Variants in ADGRL2 observed in about 807,000 individuals in gnomAD.
The protein encoded by ADGRL2 is adhesion G protein-coupled receptor L2.
ADGRL2 carries 44 observed loss-of-function variants against 157.4 expected under a neutral mutation model. The ratio of observed to expected loss-of-function variants is 0.28; its 90% CI spans 0.22 to 0.36. The LOEUF is 0.36. ADGRL2 is among the 10% of genes least tolerant of loss of function. The pLI, the probability that ADGRL2 is intolerant of heterozygous loss-of-function variation, is 1.00. For missense variants in ADGRL2, 1,510 were observed against 1,768.9 expected, an observed-to-expected ratio of 0.85 and a Z score of 2.63; for synonymous variants, 585 against 624.7, an observed-to-expected ratio of 0.94 and a Z score of 0.95.
intron 1 of ADGRL2, among the ~76,000 whole-genome samples, chr1:81,717,231 G>A (rs1011445716): frequency 6.6e-6 from 1 of 152,188 alleles, no homozygotes; most frequent in African/African-American, 2.4e-5. Context: ...GCATTCTAGA[G>A]TGTAAAAGTC....
intron 1 of ADGRL2, among the ~76,000 whole-genome samples, chr1:81,334,653 A>G (rs1661510249): frequency 6.6e-6 from 1 of 152,248 alleles, no homozygotes; most frequent in Admixed American, 6.5e-5. Flanking sequence ...AGGGCTGCCT[A>G]TGAGTAGTGA....
At chr1:81,615,123 G>C (rs934750714) in intron 3 of ADGRL2, among the ~76,000 whole-genome samples, 1 of 152,166 alleles carries the variant, frequency 6.6e-6, no homozygotes, top group Non-Finnish European at 1.5e-5. Flanking sequence ...AGCCGGCTGG[G>C]CTTCTGGGTC....
In ADGRL2 at chr1:81,993,085, A is replaced by ATTTTTTTTTT. The variant is rs1664882932; in HGVS notation, c.*1941_*1942insTTTTTTTTTT. On this transcript the variant is annotated 3_prime_UTR_variant, in exon 24 of 24. Transcript: ENST00000686636. ...TATATATATATATATATATATATAT[A>ATTTTTTTTTT]TATTTTTTTTTTTTTTTTTTTTTTT... Among the ~76,000 whole-genome samples, 1 of 32,108 alleles carries ATTTTTTTTTT rather than the reference A, an allele frequency of 3.1e-5. No homozygotes were observed. The highest frequency in any genetic ancestry group is 1.6e-4 in the African/African-American group (1 of 6,262). The allele number at this position is 32,108 out of a possible 152,430, so 21.1% of individuals were successfully genotyped here.
At chr1:81,694,916 A>G (rs2083412454), upstream of ADGRL2, among the ~76,000 whole-genome samples, 1 of 152,170 alleles carries the variant, frequency 6.6e-6, no homozygotes, top group Non-Finnish European at 1.5e-5. Context: ...ATGTACATAT[A>G]TGCATCCCTT....
At chr1:81,501,157 A>G (rs2078837538) in intron 2 of ADGRL2, among the ~76,000 whole-genome samples, 1 of 152,244 alleles carries the variant, frequency 6.6e-6, no homozygotes, top group Non-Finnish European at 1.5e-5. Context: ...GTTTAAGGAT[A>G]GATTTGATAC....
intron 2 of ADGRL2, among the ~76,000 whole-genome samples, chr1:81,470,033 GTC>G (rs941543972): frequency 1.3e-5 from 2 of 152,180 alleles, no homozygotes; most frequent in African/African-American, 4.8e-5. Flanking sequence ...ATGACCAAGA[GTC>G]TCTCTAGAGT....
intron 2 of ADGRL2, among the ~76,000 whole-genome samples, chr1:81,528,733 G>A (rs893900787): frequency 6.6e-6 from 1 of 151,304 alleles, no homozygotes; most frequent in Non-Finnish European, 1.5e-5. Context: ...ATATTTCCTG[G>A]CATATAATAA....
intron 1 of ADGRL2, among the ~76,000 whole-genome samples, chr1:81,430,678 G>A (rs1277985732): frequency 2.6e-5 from 4 of 151,232 alleles, no homozygotes; most frequent in Non-Finnish European, 4.4e-5. Context: ...CAAGTTAGTT[G>A]TTGTTGTTGT....
At chr1:81,768,637 T>C (rs1260379395) in intron 2 of ADGRL2, among the ~76,000 whole-genome samples, 3 of 151,956 alleles carry the variant, frequency 2.0e-5, no homozygotes, top group Admixed American at 2.0e-4. Context: ...CATGCCCAGC[T>C]AATTTTTAAA....
At chr1:81,435,671 G>A (rs1399066070) in intron 1 of ADGRL2, among the ~76,000 whole-genome samples, 3 of 152,108 alleles carry the variant, frequency 2.0e-5, no homozygotes, top group African/African-American at 4.8e-5. Flanking sequence ...AATTCATAGT[G>A]GATACATTGA....
At chr1:81,369,701 C>T (rs545359738) in intron 1 of ADGRL2, among the ~76,000 whole-genome samples, 29 of 150,828 alleles carry the variant, frequency 1.9e-4, no homozygotes, top group Admixed American at 4.6e-4. Context: ...TCCTTATGAA[C>T]ATGAAAAAAA....
chr1:81,323,055 G>A (rs1271640094), intron 1 of ADGRL2, among the ~76,000 whole-genome samples: 2 of 151,634 alleles, frequency 1.3e-5, no homozygotes, highest in Admixed American at 6.6e-5. Context: ...ACGGGGTTTC[G>A]CTATGTTGCC....
At chr1:81,900,442 G>T (rs1320784261) in intron 2 of ADGRL2, among the ~76,000 whole-genome samples, 3 of 152,108 alleles carry the variant, frequency 2.0e-5, no homozygotes, top group Non-Finnish European at 4.4e-5. Context: ...TTCAAAACCA[G>T]TGGCTTTACT....
At chr1:81,845,164 A>G (rs2092736528) in intron 2 of ADGRL2, among the ~76,000 whole-genome samples, 1 of 152,130 alleles carries the variant, frequency 6.6e-6, no homozygotes, top group African/African-American at 2.4e-5. Flanking sequence ...CAGTATTACT[A>G]TGCCATTACA....
intron 2 of ADGRL2, among the ~76,000 whole-genome samples, chr1:81,881,288 G>C (rs1015617712): frequency 4.6e-5 from 7 of 152,268 alleles, no homozygotes; most frequent in Non-Finnish European, 1.0e-4. Flanking sequence ...CCATTCTCCT[G>C]CCTCAGCCTC....
intron 2 of ADGRL2, among the ~76,000 whole-genome samples, chr1:81,871,302 T>C (rs371081529): frequency 6.6e-6 from 1 of 151,736 alleles, no homozygotes; most frequent in African/African-American, 2.4e-5. Context: ...CCATGGTGTA[T>C]ATGTGCCACA....
intron 1 of ADGRL2, among the ~76,000 whole-genome samples, chr1:81,820,528 C>T (rs2090877230): frequency 6.6e-6 from 1 of 151,964 alleles, no homozygotes; most frequent in Non-Finnish European, 1.5e-5. Flanking sequence ...CGTTTTCACT[C>T]TTCAGATTTT....
At chr1:81,351,603 TA>T (rs34743709) in intron 1 of ADGRL2, among the ~76,000 whole-genome samples, 67,196 of 149,912 alleles carry the variant, frequency 0.45, 15,568 homozygotes, top group Middle Eastern at 0.54. Context: ...GATTAATTGT[TA>T]AAAAAAAAAA....
At chr1:81,324,861 C>T (rs746403108) in intron 1 of ADGRL2, among the ~76,000 whole-genome samples, 3 of 151,982 alleles carry the variant, frequency 2.0e-5, no homozygotes, top group African/African-American at 4.8e-5. Flanking sequence ...GGATTGCAGG[C>T]GCCCACCACC....
Sources: gnomAD v4.1 joint callset for allele counts (sites outside exome capture counted in the v4.1 genomes callset) on GRCh38, gnomAD v4.1.1 for gene constraint, MANE v1.5 for transcripts, NCBI Gene and HGNC (gene_info 2026-07-23, HGNC 2026-07-21) for gene names.